The following FBXO21 variants were observed in gnomAD, a reference collection of about 807,000 sequenced individuals.
FBXO21 encodes F-box protein 21.
In FBXO21, 32 loss-of-function variants were observed where a neutral mutation model predicts 76.6. The ratio of observed to expected loss-of-function variants is 0.42; its 90% CI spans 0.32 to 0.56. The LOEUF (loss-of-function observed/expected upper bound fraction) is 0.56, where lower values mean the gene tolerates loss of function less well. FBXO21 is among the 20% of genes least tolerant of loss of function. FBXO21 has a pLI of 0.16. For missense variants in FBXO21, 586 were observed against 797.3 expected, an observed-to-expected ratio of 0.73 and a Z score of 3.19; for synonymous variants, 328 against 311.5, an observed-to-expected ratio of 1.05 and a Z score of -0.56.
chr12:117,186,369 C>G, intron 3 of FBXO21, 108 bp downstream of exon 3: 1 of 764,238 alleles, frequency 1.3e-6, no homozygotes, highest in East Asian at 2.5e-5. Flanking sequence ...TATGACAAGG[C>G]GTGAAATATT....
At position 117,146,114 on chromosome 12, in the gene FBXO21, A is replaced by G. The variant is rs1010829329; in HGVS notation, c.1839T>C (p.Ser613=). 5 of 1,607,970 alleles carry G rather than the reference A, an allele frequency of 3.1e-6. No individual in the cohort carries two copies. The African/African-American group carries it at 4.0e-5, about 13-fold the overall frequency. ...ACTCATCTATGTTCTCTTTCTTTGC[A>G]CTGTAAATATTCTGCACCGTTTCAT... The part of the protein sequence containing the change: ...FVYETVQNIY[S]AKKENIDE Residue 613 remains serine (S), a synonymous_variant, in exon 12 of 12, where the codon AGT becomes AGC. Coordinates refer to ENST00000622495, the MANE Select transcript of FBXO21 (RefSeq NM_015002.3).
At chr12:117,168,721 A>G (rs928802173) in intron 7 of FBXO21, among the ~76,000 whole-genome samples, 1 of 152,232 alleles carries the variant, frequency 6.6e-6, no homozygotes, top group South Asian at 2.1e-4. Flanking sequence ...TGGATAAAAC[A>G]TGAGTAAATC....
rs75987318 is a variant in FBXO21 at position 117,180,096 on chromosome 12, C to T, written c.471-2455G>A. Reference sequence around the variant, plus strand: ...CTTCATATTGGTTCCTCAATACTTCCGACATAAAGTAGTGTCAGTTTTCTT... The same window carrying T: ...CTTCATATTGGTTCCTCAATACTTCTGACATAAAGTAGTGTCAGTTTTCTT... On this transcript the variant is annotated intron_variant, in intron 3 of 11. Transcript: ENST00000622495. 4.6e-5 allele frequency among the ~76,000 whole-genome samples: 7 copies of T among 152,278 alleles called. No individual in the cohort carries two copies. The East Asian group carries it at 9.6e-4, about 21-fold the overall frequency.
At chr12:117,181,600 T>TCTATCTAC (rs1956233009) in intron 3 of FBXO21, among the ~76,000 whole-genome samples, 1 of 20,318 alleles carries the variant, frequency 4.9e-5, no homozygotes, top group African/African-American at 4.3e-4. Context: ...TCTGAGACAG[T>TCTATCTAC]CTATCTATCT....
Position 117,146,267 on chromosome 12 carries a change from T to G in FBXO21, c.1686A>C (p.Glu562Asp). The G allele has an allele frequency of 6.2e-7, 1 of 1,603,282 alleles. No homozygotes were observed. Among genetic ancestry groups the G allele is most frequent in the Non-Finnish European group, 8.5e-7 (1 of 1,176,516 alleles). The change falls in exon 12 of 12, where the codon GAA becomes GAC. Residue 562 changes from glutamate to aspartate, a missense_variant. This residue lies in a region of FBXO21 where 164 missense variants were observed against 236.7 expected (regional missense o/e 0.69). Coordinates refer to ENST00000622495, the MANE Select transcript of FBXO21 (RefSeq NM_015002.3). ...SCRYAAQENLEYNVEPQEISH... is the reference protein window; with the variant it reads ...SCRYAAQENLDYNVEPQEISH... Reference sequence around the variant, plus strand: ...AGATTTCTTGAGGCTCCACGTTATATTCCAAGTTTTCTGTTGGTAAAGAGG... The same window carrying G: ...AGATTTCTTGAGGCTCCACGTTATAGTCCAAGTTTTCTGTTGGTAAAGAGG...
At chr12:117,179,453 C>T (rs1024989110) in intron 3 of FBXO21, among the ~76,000 whole-genome samples, 4 of 149,784 alleles carry the variant, frequency 2.7e-5, no homozygotes, top group African/African-American at 7.3e-5. Context: ...CCTCCTCCAT[C>T]TTTTTTTTTT....
At chr12:117,171,069 T>C (rs1014741655) in intron 7 of FBXO21, among the ~76,000 whole-genome samples, 7 of 152,030 alleles carry the variant, frequency 4.6e-5, no homozygotes, top group African/African-American at 1.7e-4. Flanking sequence ...AACATTTGCA[T>C]GGAAATAAAC....
chr12:117,153,327 G>A (rs1474492835), intron 11 of FBXO21, among the ~76,000 whole-genome samples: 1 of 152,196 alleles, frequency 6.6e-6, no homozygotes, highest in African/African-American at 2.4e-5. Context: ...AGTGAGATGG[G>A]GCAGGCAGGA....
intron 2 of FBXO21, among the ~76,000 whole-genome samples, chr12:117,188,604 C>G (rs7297713): frequency 0.56 from 82,238 of 146,618 alleles, 23,205 homozygotes; most frequent in African/African-American, 0.66. Flanking sequence ...AAAAAGAAAA[C>G]AAAACAAAAC....
rs367543896 is a variant in FBXO21, at chr12:117,183,402, G to C, written c.470+3075C>G. Among the ~76,000 whole-genome samples, 16 of 152,216 alleles carry C rather than the reference G, an allele frequency of 1.1e-4. No individual in the cohort carries two copies. The East Asian group carries it at 3.1e-3, about 29-fold the overall frequency. ...AGCCTCCCCAGTAGCTGGGATTACA[G>C]GCACCTGCCACCATGTCTGGCTAAT... On this transcript the variant is annotated intron_variant, in intron 3 of 11. Coordinates refer to ENST00000622495, the MANE Select transcript of FBXO21 (RefSeq NM_015002.3).
intron 3 of FBXO21, among the ~76,000 whole-genome samples, chr12:117,183,140 A>C (rs887870989): frequency 6.6e-6 from 1 of 152,064 alleles, no homozygotes; most frequent in South Asian, 2.1e-4. Flanking sequence ...GTGTTGGGTA[A>C]CCTATTCGTA....
rs1955740976 is a variant in FBXO21 at position 117,143,948 on chromosome 12, T to TA, written c.*2138dup. The TA allele has an allele frequency of 6.6e-6, 1 of 152,650 alleles. No homozygotes were observed. The highest frequency in any genetic ancestry group is 2.4e-5 in the African/African-American group (1 of 41,456). The allele number at this position is 152,650 out of a possible 1,614,324, so 9.5% of individuals were successfully genotyped here. ...ATGGAGAAAAGTTTTGGAAAATTTT[T>TA]AAAAAGAAACTTATGATTTATTAGA... On this transcript the variant is annotated 3_prime_UTR_variant, in exon 12 of 12. Coordinates refer to ENST00000622495, the MANE Select transcript of FBXO21 (RefSeq NM_015002.3).
At chr12:117,160,129 A>C (rs1955961185) in intron 9 of FBXO21, among the ~76,000 whole-genome samples, 1 of 152,168 alleles carries the variant, frequency 6.6e-6, no homozygotes, top group South Asian at 2.1e-4. Flanking sequence ...TTTTCTGTAA[A>C]GGGCTAGAGA....
At position 117,142,349 on chromosome 12, in the gene FBXO21, C is replaced by T. The variant is rs1018914849; in HGVS notation, c.*3738G>A. On this transcript the variant is annotated 3_prime_UTR_variant, in exon 12 of 12. Coordinates refer to ENST00000622495, the MANE Select transcript of FBXO21 (RefSeq NM_015002.3). Reference sequence around the variant, plus strand: ...TACAGTGGAATGCTAAGTGCCTACACCCTAGCCGGGGTCAGCCAACTATGG... The same window carrying T: ...TACAGTGGAATGCTAAGTGCCTACATCCTAGCCGGGGTCAGCCAACTATGG... 4 of 152,344 alleles carry T rather than the reference C, an allele frequency of 2.6e-5. No homozygotes were observed. Among genetic ancestry groups the T allele is most frequent in the African/African-American group, 9.7e-5 (4 of 41,434 alleles). 9.4% of individuals were successfully genotyped at this position (152,344 alleles called of 1,614,324 possible).
At chr12:117,164,877 C>G (rs1956033202) in intron 9 of FBXO21, among the ~76,000 whole-genome samples, 1 of 152,158 alleles carries the variant, frequency 6.6e-6, no homozygotes, top group African/African-American at 2.4e-5. Flanking sequence ...CTGGCTCCTG[C>G]ACCATTATAC....
intron 4 of FBXO21, among the ~76,000 whole-genome samples, chr12:117,175,810 C>T (rs1956167094): frequency 6.6e-6 from 1 of 152,246 alleles, no homozygotes; most frequent in Non-Finnish European, 1.5e-5. Flanking sequence ...ATTCACTCAA[C>T]TACTAAACAA....
intron 3 of FBXO21, among the ~76,000 whole-genome samples, chr12:117,185,471 A>G (rs532930000): frequency 2.6e-5 from 4 of 152,388 alleles, no homozygotes; most frequent in African/African-American, 9.6e-5. Context: ...AAGTTTTCAG[A>G]ACTTTTAGAA....
chr12:117,185,853 G>A (rs984128924), intron 3 of FBXO21, among the ~76,000 whole-genome samples: 2 of 151,956 alleles, frequency 1.3e-5, no homozygotes, highest in African/African-American at 2.4e-5. Context: ...AATGAAGGAA[G>A]GATGATTTAT....
Position 117,145,992 on chromosome 12 carries a change from C to T in FBXO21, c.*95G>A. 4 of 1,009,058 alleles carry T rather than the reference C, an allele frequency of 4.0e-6. No individual in the cohort carries two copies. Among genetic ancestry groups the T allele is most frequent in the Non-Finnish European group, 4.3e-6 (3 of 699,814 alleles). The allele number at this position is 1,009,058 out of a possible 1,614,324, so 62.5% of individuals were successfully genotyped here. On this transcript the variant is annotated 3_prime_UTR_variant, in exon 12 of 12. Transcript: ENST00000622495. Reference sequence around the variant, plus strand: ...TGGTGGAGTGGCTTTCCTGGTGCAGCAGGTCCCGAGGGCTCCGTGGAGACG... The same window carrying T: ...TGGTGGAGTGGCTTTCCTGGTGCAGTAGGTCCCGAGGGCTCCGTGGAGACG...
Sources: gnomAD v4.1 joint callset for allele counts (sites outside exome capture counted in the v4.1 genomes callset) on GRCh38, gnomAD v4.1.1 for gene constraint, gnomAD v4.1.1 regional missense constraint, MANE v1.5 for transcripts, NCBI Gene and HGNC (gene_info 2026-07-23, HGNC 2026-07-21) for gene names.